The following NAT8L variants were observed in gnomAD, a reference collection of about 807,000 sequenced individuals.
NAT8L encodes N-acetylaspartate synthetase.
In NAT8L, 6 loss-of-function variants were observed where a neutral mutation model predicts 21.2. The observed-to-expected ratio is 0.28, with a 90% CI of 0.16 to 0.56. NAT8L has a LOEUF of 0.56. NAT8L is among the 20% of genes least tolerant of loss of function. The probability of loss-of-function intolerance (pLI) is 0.93; values close to 1 mark genes in which losing one functional copy is unlikely to be tolerated. For synonymous variants in NAT8L, 239 were observed against 204.9 expected (o/e 1.17, Z -1.42); for missense variants, 331 against 433.3 (o/e 0.76, Z 2.10).
chr4:2,062,174 G>A (rs1037840627), intron 2 of NAT8L, among the ~76,000 whole-genome samples: 1 of 152,200 alleles, frequency 6.6e-6, no homozygotes, highest in Non-Finnish European at 1.5e-5. Flanking sequence ...TGAGGGAGTG[G>A]AGGGGTAGCT....
At position 2,064,133 on chromosome 4, in the gene NAT8L, GCCGCTCGCCCGC is replaced by G; in HGVS notation, c.*11_*22del. 1 of 1,543,848 alleles carries G rather than the reference GCCGCTCGCCCGC, an allele frequency of 6.5e-7. No individual in the cohort carries two copies. The highest frequency in any genetic ancestry group is 1.4e-5 in the African/African-American group (1 of 73,098). On this transcript the variant is annotated 3_prime_UTR_variant, in exon 3 of 3. Coordinates refer to ENST00000423729, the MANE Select transcript of NAT8L (RefSeq NM_178557.4). ...TGCAGCTGCGCGAGGAGTGACCGCC[GCCGCTCGCCCGC>G]CCGCCCCCCCGGCCGCCCTGTCCGC...
Position 2,060,643 on chromosome 4 carries a change from C to T in NAT8L, c.377-355C>T, listed in dbSNP as rs1729835810. Among the ~76,000 whole-genome samples the T allele has an allele frequency of 6.6e-6, 1 of 151,728 alleles. No individual in the cohort carries two copies. Among genetic ancestry groups the T allele is most frequent in the Non-Finnish European group, 1.5e-5 (1 of 67,868 alleles). ...CCCTTCCTCCTCCCCCCTCCCCCCT[C>T]CCCCGCGCGGGGCCTGGTCTGCGGG... is the stretch of plus-strand genomic sequence containing the variant. On this transcript the variant is annotated intron_variant, in intron 1 of 2. Coordinates refer to ENST00000423729, the MANE Select transcript of NAT8L (RefSeq NM_178557.4). This position sits in a 1 kb window ranked among gnomAD's most constrained non-coding sequence, Gnocchi z 4.7.
At position 2,060,432 on chromosome 4, in the gene NAT8L, T is replaced by C. The variant is rs543145986; in HGVS notation, c.376+545T>C. 1.3e-5 allele frequency among the ~76,000 whole-genome samples: 2 copies of C among 152,146 alleles called. No homozygotes were observed. The highest frequency in any genetic ancestry group is 3.9e-4 in the East Asian group (2 of 5,170). On this transcript the variant is annotated intron_variant, in intron 1 of 2. Transcript: ENST00000423729. The surrounding 1 kb of genome is among the most constrained non-coding windows in gnomAD (Gnocchi z 4.7). ...CGCTCCCATTTTACAGATGAGGCGC[T>C]TGAGGCCGCGTAGGGAGGACGCGAC...
At position 2,059,605 on chromosome 4, in the gene NAT8L, C is replaced by T. The variant is rs776883301; in HGVS notation, c.94C>T (p.Leu32Phe). 1 of 978,044 alleles carries T rather than the reference C, an allele frequency of 1.0e-6. No individual in the cohort carries two copies. The highest frequency in any genetic ancestry group is 4.1e-4 in the Middle Eastern group (1 of 2,418). 60.6% of individuals were successfully genotyped at this position (978,044 alleles called of 1,614,324 possible). ...ALPGAKKDAL[L>F]AAAGAMWPPL... ...GCCGGGGGCCAAGAAGGACGCGCTG[C>T]TCGCCGCCGCCGGCGCCATGTGGCC... is the stretch of plus-strand genomic sequence containing the variant. Residue 32 changes from leucine to phenylalanine, a missense_variant, in exon 1 of 3, where the codon CTC becomes TTC. Transcript: ENST00000423729. This position sits in a 1 kb window ranked among gnomAD's most constrained non-coding sequence, Gnocchi z 4.8.
rs1730025550 is a variant in NAT8L at position 2,067,361 on chromosome 4, C to T, written c.*3234C>T. 6.5e-6 allele frequency: 1 copy of T among 152,724 alleles called. No individual in the cohort carries two copies. Among genetic ancestry groups the T allele is most frequent in the African/African-American group, 2.4e-5 (1 of 41,470 alleles). 9.5% of individuals were successfully genotyped at this position (152,724 alleles called of 1,614,324 possible). ...GGCTGGCCCTGGGGGAAGGCTGGGC[C>T]TGGGAGGCCCTGTGGACAGCAGGCC... On this transcript the variant is annotated 3_prime_UTR_variant, in exon 3 of 3. Coordinates refer to ENST00000423729, the MANE Select transcript of NAT8L (RefSeq NM_178557.4).
At chr4:2,061,716 G>A (rs1729894525) in intron 2 of NAT8L, among the ~76,000 whole-genome samples, 3 of 152,258 alleles carry the variant, frequency 2.0e-5, no homozygotes, top group Admixed American at 1.3e-4. Context: ...TAGGGGGGGT[G>A]GGGGTTGTTC....
rs1426633232 is a variant in NAT8L at position 2,060,014 on chromosome 4, C to A, written c.376+127C>A. 5 of 449,732 alleles carry A rather than the reference C, an allele frequency of 1.1e-5. No individual in the cohort carries two copies. The highest frequency in any genetic ancestry group is 1.6e-5 in the Non-Finnish European group (5 of 313,816). 27.9% of individuals were successfully genotyped at this position (449,732 alleles called of 1,614,324 possible). A position where few individuals can be genotyped will look rare whatever the true frequency, so the allele number is the denominator to read the frequency against. ...GCCTGGGAAGCCCCCCGCTTTCTGC[C>A]GCGCCGGGCCCCGCGCAGGGCTGGC... On this transcript the variant is annotated intron_variant, in intron 1 of 2. Transcript: ENST00000423729. This position sits in a 1 kb window ranked among gnomAD's most constrained non-coding sequence, Gnocchi z 4.7.
chr4:2,066,364 G>A lies in NAT8L; in HGVS notation c.*2237G>A, dbSNP rs1004035416. On this transcript the variant is annotated 3_prime_UTR_variant, in exon 3 of 3. Coordinates refer to ENST00000423729, the MANE Select transcript of NAT8L (RefSeq NM_178557.4). Reference sequence around the variant, plus strand: ...CAGGACTTGGTAGAGATGGCAGGAAGGGTGTGCGGGGTGGTTGTGTGCAGA... The same window carrying A: ...CAGGACTTGGTAGAGATGGCAGGAAAGGTGTGCGGGGTGGTTGTGTGCAGA... 1.3e-5 allele frequency: 2 copies of A among 152,330 alleles called. No individual in the cohort carries two copies. The highest frequency in any genetic ancestry group is 6.5e-5 in the Admixed American group (1 of 15,292). The allele number at this position is 152,330 out of a possible 1,614,324, so 9.4% of individuals were successfully genotyped here.
At chr4:2,061,220 CA>C (rs1356956141) in intron 2 of NAT8L, 58 bp downstream of exon 2, 1 of 1,601,188 alleles carries the variant, frequency 6.2e-7, no homozygotes, top group Admixed American at 1.7e-5. Context: ...CGGGGGCACG[CA>C]CTCCAGCGAC....
Position 2,060,159 on chromosome 4 carries a change from G to A in NAT8L, c.376+272G>A, listed in dbSNP as rs574319539. Reference sequence around the variant, plus strand: ...CCCACCGCCTCCCCTGTCCCCTCCCGGGCATCCTGGGTGGGGGCGGGTGCC... The same window carrying A: ...CCCACCGCCTCCCCTGTCCCCTCCCAGGCATCCTGGGTGGGGGCGGGTGCC... On this transcript the variant is annotated intron_variant, in intron 1 of 2. Coordinates refer to ENST00000423729, the MANE Select transcript of NAT8L (RefSeq NM_178557.4). This position sits in a 1 kb window ranked among gnomAD's most constrained non-coding sequence, Gnocchi z 4.7. Among the ~76,000 whole-genome samples, 1 of 152,106 alleles carries A rather than the reference G, an allele frequency of 6.6e-6. No individual in the cohort carries two copies. Among genetic ancestry groups the A allele is most frequent in the African/African-American group, 2.4e-5 (1 of 41,540 alleles).
In NAT8L at chr4:2,059,944, C is replaced by T. The variant is rs1186408982; in HGVS notation, c.376+57C>T. 1 of 1,034,004 alleles carries T rather than the reference C, an allele frequency of 9.7e-7. No homozygotes were observed. The highest frequency in any genetic ancestry group is 1.7e-5 in the African/African-American group (1 of 58,362). 64.1% of individuals were successfully genotyped at this position (1,034,004 alleles called of 1,614,324 possible). A position where few individuals can be genotyped will look rare whatever the true frequency, so the allele number is the denominator to read the frequency against. On this transcript the variant is annotated intron_variant, in intron 1 of 2. Transcript: ENST00000423729. This position sits in a 1 kb window ranked among gnomAD's most constrained non-coding sequence, Gnocchi z 4.8. ...CCCTCGGGCCGGCGCGGAGCTCCCC[C>T]GCCCCGGCGTCCACGCGGACCCCGC...
At position 2,060,984 on chromosome 4, in the gene NAT8L, C is replaced by A; in HGVS notation, c.377-14C>A. ...ACCCCCGCCGCGCCGCTGACCCGCG[C>A]CCTCTGCCCCCAGCGCTGTGCTTCG... On this transcript the variant is annotated splice_polypyrimidine_tract_variant and intron_variant, in intron 1 of 2. Transcript: ENST00000423729. This position sits in a 1 kb window ranked among gnomAD's most constrained non-coding sequence, Gnocchi z 4.7. 1 of 1,472,688 alleles carries A rather than the reference C, an allele frequency of 6.8e-7. No homozygotes were observed. The highest frequency in any genetic ancestry group is 9.3e-7 in the Non-Finnish European group (1 of 1,080,746). The allele number at this position is 1,472,688 out of a possible 1,614,324, so 91.2% of individuals were successfully genotyped here. A position where few individuals can be genotyped will look rare whatever the true frequency, so the allele number is the denominator to read the frequency against.
chr4:2,059,793 C>A lies in NAT8L; in HGVS notation c.282C>A (p.Ile94=). The stretch of plus-strand genomic sequence containing the variant: ...CCGAGCAGGAGGCGGCGCGCCGCAT[C>A]TTCTACGACGGCATCATGGAGCGCA... ...RAAEQEAARR[I]FYDGIMERIP... Residue 94 remains isoleucine (I), a synonymous_variant, in exon 1 of 3, where the codon ATC becomes ATA. Transcript: ENST00000423729. This position sits in a 1 kb window ranked among gnomAD's most constrained non-coding sequence, Gnocchi z 4.8. 1.5e-6 allele frequency: 2 copies of A among 1,377,230 alleles called. No individual in the cohort carries two copies. Among genetic ancestry groups the A allele is most frequent in the African/African-American group, 3.0e-5 (2 of 65,690 alleles). The allele number at this position is 1,377,230 out of a possible 1,614,324, so 85.3% of individuals were successfully genotyped here.
Sources: allele counts gnomAD v4.1 joint callset (sites outside exome capture counted in the v4.1 genomes callset), GRCh38; gene constraint gnomAD v4.1.1; non-coding constraint Gnocchi (gnomAD v3.1); transcripts MANE v1.5; gene names NCBI Gene and HGNC (gene_info 2026-07-23, HGNC 2026-07-21).